NCAPD2: variants seen among roughly 807,000 people sequenced by gnomAD.
NCAPD2 encodes condensin complex subunit 1.
A neutral mutation model predicts 164.5 loss-of-function variants in NCAPD2; 100 were observed. That is an observed-to-expected ratio of 0.61 (90% CI 0.52 to 0.72). The LOEUF (loss-of-function observed/expected upper bound fraction) is 0.72, where lower values mean the gene tolerates loss of function less well. Among genes scored for constraint, NCAPD2 ranks in the 30% least tolerant of loss-of-function variants. The probability of loss-of-function intolerance (pLI) is 0.00; values close to 1 mark genes in which losing one functional copy is unlikely to be tolerated. For synonymous variants in NCAPD2, 585 were observed against 642.6 expected (o/e 0.91, Z 1.36); for missense variants, 1,560 against 1,749.2 (o/e 0.89, Z 1.93).
In NCAPD2 at chr12:6,523,347, G is replaced by T. The variant is rs1946284047; in HGVS notation, c.2214+1G>T. On this transcript the variant is annotated splice_donor_variant, in intron 17 of 31. Transcript: ENST00000315579. LOFTEE classifies it high-confidence loss of function. ...GACCATTCAGTGTCTTGAGGAAATT[G>T]TAAGGCTTCCTGCTTTCTCTTTCTT... 1.3e-6 allele frequency: 2 copies of T among 1,594,972 alleles called. No individual in the cohort carries two copies. Among genetic ancestry groups the T allele is most frequent in the South Asian group, 1.1e-5 (1 of 90,656 alleles).
intron 2 of NCAPD2, among the ~76,000 whole-genome samples, chr12:6,496,458 T>C (rs1190279786): frequency 6.6e-6 from 1 of 152,156 alleles, no homozygotes; most frequent in Non-Finnish European, 1.5e-5. Flanking sequence ...AGGTAAAGAC[T>C]CTCTTGCCCA....
chr12:6,508,715 A>C (rs1013841884), intron 2 of NCAPD2, among the ~76,000 whole-genome samples: 2 of 152,216 alleles, frequency 1.3e-5, no homozygotes, highest in African/African-American at 2.4e-5. Flanking sequence ...ATCTTCCCAC[A>C]AAAATACTGG....
chr12:6,516,792 C>G lies in NCAPD2; in HGVS notation c.988-36C>G, dbSNP rs746444483. 17 of 1,604,402 alleles carry G rather than the reference C, an allele frequency of 1.1e-5. No homozygotes were observed. In the Admixed American group the frequency reaches 2.8e-4, roughly 27 times the overall value. Reference sequence around the variant, plus strand: ...CAAGCACAAGCAAGCTTCGCCTTGACTAAAGGTTTGACCCCTCTATGCTTC... The same window carrying G: ...CAAGCACAAGCAAGCTTCGCCTTGAGTAAAGGTTTGACCCCTCTATGCTTC... On this transcript the variant is annotated intron_variant, in intron 9 of 31. Transcript: ENST00000315579.
intron 4 of NCAPD2, 157 bp downstream of exon 4, chr12:6,510,290 T>TAA (rs776580020): frequency 1.2e-6 from 1 of 855,832 alleles, no homozygotes; most frequent in Non-Finnish European, 2.0e-6. Context: ...TTTGGCCTGT[T>TAA]AAAGGTCTGT....
intron 10 of NCAPD2, 69 bp downstream of exon 10, chr12:6,517,094 G>A: frequency 6.5e-7 from 1 of 1,543,170 alleles, no homozygotes; most frequent in Non-Finnish European, 8.9e-7. Context: ...GGAATCCAGT[G>A]TTGAAGATAA....
rs1216339551 is a variant in NCAPD2 at position 6,528,913 on chromosome 12, A to T, written c.3478-32A>T. The stretch of plus-strand genomic sequence containing the variant: ...GCAGAGGGAATCTGTAGGTCACCTC[A>T]TCTCCTTAACATGGCTCTCTCTGTC... On this transcript the variant is annotated intron_variant, in intron 26 of 31. Coordinates refer to ENST00000315579, the MANE Select transcript of NCAPD2 (RefSeq NM_014865.4). The surrounding 1 kb of genome is among the most constrained non-coding windows in gnomAD (Gnocchi z 5.1). 6.2e-7 allele frequency: 1 copy of T among 1,613,858 alleles called. No homozygotes were observed.
At chr12:6,520,651 C>T (rs1052043197) in intron 13 of NCAPD2, among the ~76,000 whole-genome samples, 1 of 152,086 alleles carries the variant, frequency 6.6e-6, no homozygotes, top group Admixed American at 6.6e-5. Flanking sequence ...TTTATTGTTT[C>T]TAAACTTAGG....
rs146911849 is a variant in NCAPD2 at position 6,521,121 on chromosome 12, T to C, written c.1714+11T>C. 2 of 1,613,010 alleles carry C rather than the reference T, an allele frequency of 1.2e-6. No individual in the cohort carries two copies. Among genetic ancestry groups the C allele is most frequent in the African/African-American group, 2.7e-5 (2 of 74,986 alleles). ...GACTTATCTTCAAAGGTAATCATTT[T>C]CCTTCTTCAGTCAATAAATAACACA... On this transcript the variant is annotated intron_variant, in intron 14 of 31. Coordinates refer to ENST00000315579, the MANE Select transcript of NCAPD2 (RefSeq NM_014865.4).
intron 9 of NCAPD2, 59 bp from the exon 10 acceptor site, chr12:6,516,769 A>C: frequency 6.4e-7 from 1 of 1,565,520 alleles, no homozygotes; most frequent in South Asian, 1.1e-5. Context: ...GTTATGGCCA[A>C]GCACAAGCAA....
At chr12:6,503,719 C>T (rs369932705) in intron 2 of NCAPD2, among the ~76,000 whole-genome samples, 6 of 151,112 alleles carry the variant, frequency 4.0e-5, no homozygotes, top group Admixed American at 2.0e-4. Context: ...TGTAGTGAGC[C>T]GAGATCGTGC....
chr12:6,528,669 C>G lies in NCAPD2; in HGVS notation c.3300-10C>G. ...GTCTCGGTCCCCATGACCCGCAATT[C>G]CATTCCTAGTCTCCGGGACCCTGCT... On this transcript the variant is annotated splice_polypyrimidine_tract_variant and intron_variant, in intron 25 of 31. Transcript: ENST00000315579. The surrounding 1 kb of genome is among the most constrained non-coding windows in gnomAD (Gnocchi z 5.1). 6.2e-7 allele frequency: 1 copy of G among 1,606,018 alleles called. No individual in the cohort carries two copies. Among genetic ancestry groups the G allele is most frequent in the Non-Finnish European group, 8.5e-7 (1 of 1,173,516 alleles).
chr12:6,524,707 G>A (rs542547041), intron 17 of NCAPD2, among the ~76,000 whole-genome samples: 28 of 151,752 alleles, frequency 1.8e-4, no homozygotes, highest in African/African-American at 6.3e-4. Context: ...ATGTAGGTTG[G>A]AACTAAACTG....
At chr12:6,511,399 C>A in intron 6 of NCAPD2, 147 bp downstream of exon 6, 1 of 926,448 alleles carries the variant, frequency 1.1e-6, no homozygotes, top group Non-Finnish European at 1.6e-6. Context: ...GTGGTTCAAT[C>A]TCGGCTCACT....
chr12:6,504,456 G>C (rs1236473166), intron 2 of NCAPD2, among the ~76,000 whole-genome samples: 1 of 151,728 alleles, frequency 6.6e-6, no homozygotes, highest in African/African-American at 2.4e-5. Flanking sequence ...GTGGTGGCGC[G>C]ATCTCGGCTC....
In NCAPD2 at chr12:6,528,823, G is replaced by A. The variant is rs897053971; in HGVS notation, c.3444G>A (p.Leu1148=). ...ACCCCGAGCCTCAGATTGCTGCCCT[G>A]GCCAAGAACTTCTTCAATGAGCTCT... is the stretch of plus-strand genomic sequence containing the variant. The part of the protein sequence containing the change: ...LIDPEPQIAA[L]AKNFFNELSH... The change falls in exon 26 of 32, where the codon CTG becomes CTA. Residue 1148 remains leucine (L), a synonymous_variant. Coordinates refer to ENST00000315579, the MANE Select transcript of NCAPD2 (RefSeq NM_014865.4). The surrounding 1 kb of genome is among the most constrained non-coding windows in gnomAD (Gnocchi z 5.1). The A allele has an allele frequency of 2.5e-6, 4 of 1,613,852 alleles. No homozygotes were observed. The highest frequency in any genetic ancestry group is 3.4e-6 in the Non-Finnish European group (4 of 1,179,794).
intron 15 of NCAPD2, among the ~76,000 whole-genome samples, chr12:6,522,294 AG>A (rs1480816763): frequency 5.9e-5 from 9 of 151,608 alleles, no homozygotes; most frequent in Non-Finnish European, 8.8e-5. Flanking sequence ...TTTAAAAGGC[AG>A]GGGTTCTCGG....
chr12:6,527,134 C>T (rs925254412), intron 22 of NCAPD2, 71 bp downstream of exon 22: 148 of 1,445,516 alleles, frequency 1.0e-4, no homozygotes, highest in Admixed American at 4.7e-4. Context: ...GATCCCCTTC[C>T]GGCAATCTCT....
At chr12:6,499,554 A>AT (rs374311872) in intron 2 of NCAPD2, among the ~76,000 whole-genome samples, 1,620 of 151,912 alleles carry the variant, frequency 0.011, 34 homozygotes, top group African/African-American at 0.037. Flanking sequence ...CATCCAGCTA[A>AT]TTTTTTTTGT....
In NCAPD2 at chr12:6,531,525, G is replaced by A. The variant is rs1946373995; in HGVS notation, c.*113G>A. On this transcript the variant is annotated 3_prime_UTR_variant, in exon 32 of 32. Transcript: ENST00000315579. The surrounding 1 kb of genome is among the most constrained non-coding windows in gnomAD (Gnocchi z 4.1). ...TCTCTTTTTTTTAAAAAAAAAAAAG[G>A]CCGGGCACTGTGGCTCACGCCTGTA... The A allele has an allele frequency of 6.7e-7, 1 of 1,497,116 alleles. No homozygotes were observed. The highest frequency in any genetic ancestry group is 8.9e-7 in the Non-Finnish European group (1 of 1,118,514). 92.7% of individuals were successfully genotyped at this position (1,497,116 alleles called of 1,614,324 possible).
Sources: allele counts gnomAD v4.1 joint callset (sites outside exome capture counted in the v4.1 genomes callset), GRCh38; gene constraint gnomAD v4.1.1; non-coding constraint Gnocchi (gnomAD v3.1); transcripts MANE v1.5; gene names NCBI Gene and HGNC (gene_info 2026-07-23, HGNC 2026-07-21).